APC: variants seen among roughly 807,000 people sequenced by gnomAD.
The protein encoded by APC is adenomatous polyposis coli protein.
Under a neutral mutation model 247.0 loss-of-function variants are expected in APC, and 72 were observed. That is an observed-to-expected ratio of 0.29 (90% CI 0.24 to 0.35). The LOEUF (loss-of-function observed/expected upper bound fraction) is 0.35, where lower values mean the gene tolerates loss of function less well. Ranked by LOEUF, APC falls within the 10% of genes least tolerant of loss-of-function variation. The pLI is 1.00. For missense variants in APC, 3,400 were observed against 3,360.7 expected, an observed-to-expected ratio of 1.01 and a Z score of -0.29; for synonymous variants, 1,254 against 1,162.5, an observed-to-expected ratio of 1.08 and a Z score of -1.60.
intron 1 of APC, among the ~76,000 whole-genome samples, chr5:112,745,519 A>G (rs979759160): frequency 6.6e-6 from 1 of 151,414 alleles, no homozygotes; most frequent in African/African-American, 2.4e-5. Flanking sequence ...GTTTAAGTAA[A>G]GTAAGGAAAT....
At position 112,842,248 on chromosome 5, in the gene APC, A is replaced by G. The variant is rs1057522994; in HGVS notation, c.6654A>G (p.Gln2218=). 1 of 1,613,976 alleles carries G rather than the reference A, an allele frequency of 6.2e-7. No homozygotes were observed. Among genetic ancestry groups the G allele is most frequent in the Non-Finnish European group, 8.5e-7 (1 of 1,179,954 alleles). The change falls in exon 16 of 16, where the codon CAA becomes CAG. Residue 2218 remains glutamine, a synonymous_variant. Coordinates refer to ENST00000257430, the MANE Select transcript of APC (RefSeq NM_000038.6). ...CAGGCCAAATGAAACAGCCCCTTCA[A>G]GCAAACATGCCTTCAATCTCTCGAG... ...EISGQMKQPL[Q]ANMPSISRGR... is the part of the protein sequence containing the mutation.
At chr5:112,774,967 T>G (rs1030900720) in intron 4 of APC, among the ~76,000 whole-genome samples, 1 of 152,210 alleles carries the variant, frequency 6.6e-6, no homozygotes, top group Non-Finnish European at 1.5e-5. Context: ...TGAAAAGAGA[T>G]AAATTATATA....
At chr5:112,708,847 G>A (rs1355544830) in intron 1 of APC, among the ~76,000 whole-genome samples, 2 of 152,186 alleles carry the variant, frequency 1.3e-5, no homozygotes, top group African/African-American at 4.8e-5. Flanking sequence ...GCCAGTCTCA[G>A]TACTCCCTCC....
intron 7 of APC, among the ~76,000 whole-genome samples, chr5:112,800,371 TCA>T (rs1760682097): frequency 6.6e-6 from 1 of 152,202 alleles, no homozygotes; most frequent in Non-Finnish European, 1.5e-5. Flanking sequence ...GAGTGCTACC[TCA>T]CTTTTGCCAG....
chr5:112,777,880 A>G (rs1481102820), intron 5 of APC: 5 of 214,784 alleles, frequency 2.3e-5, no homozygotes, highest in East Asian at 1.3e-4. Flanking sequence ...CTCTTCTTTG[A>G]TTTACTGTCA....
intron 8 of APC, among the ~76,000 whole-genome samples, chr5:112,807,920 C>G (rs990152083): frequency 1.3e-5 from 2 of 151,984 alleles, no homozygotes; most frequent in African/African-American, 4.8e-5. Flanking sequence ...TTCCAGAGGC[C>G]GGGGTGAGCG....
rs1554069530 is a variant in APC, at chr5:112,766,354, T to C, written c.164T>C (p.Ile55Thr). ...KEVLKQLQGS[I>T]EDEAMASSGQ... The stretch of plus-strand genomic sequence containing the variant: ...GTACTTAAACAACTACAAGGAAGTA[T>C]TGAAGATGAAGCTATGGCTTCTTCT... Residue 55 changes from isoleucine to threonine, a missense_variant, in exon 3 of 16, where the codon ATT becomes ACT. Around this residue, in one of 9 missense-constraint regions of APC, gnomAD observed 372 missense variants for 367.6 expected, o/e 1.01. Coordinates refer to ENST00000257430, the MANE Select transcript of APC (RefSeq NM_000038.6). 6.2e-7 allele frequency: 1 copy of C among 1,611,220 alleles called. No individual in the cohort carries two copies. The highest frequency in any genetic ancestry group is 8.5e-7 in the Non-Finnish European group (1 of 1,177,572).
rs760312726 is a variant in APC, at chr5:112,819,191, C to G, written c.1159C>G (p.Leu387Val). 27 of 1,613,866 alleles carry G rather than the reference C, an allele frequency of 1.7e-5. No individual in the cohort carries two copies. The highest frequency in any genetic ancestry group is 8.5e-7 in the Non-Finnish European group (1 of 1,179,974). The change falls in exon 10 of 16, where the codon CTC becomes GTC. Residue 387 changes from leucine to valine, a missense_variant. Transcript: ENST00000257430. ...KEARARASAALHNIIHSQPDD... is the reference protein window; with the variant it reads ...KEARARASAAVHNIIHSQPDD... The stretch of plus-strand genomic sequence containing the variant: ...GGCTCGGGCCAGGGCCAGTGCAGCA[C>G]TCCACAACATCATTCACTCACAGCC...
In APC at chr5:112,745,132, T is replaced by TCAAA. The variant is rs562436462; in HGVS notation, c.-19+7209_-19+7210insAACA. On this transcript the variant is annotated intron_variant, in intron 1 of 15. Coordinates refer to ENST00000257430, the MANE Select transcript of APC (RefSeq NM_000038.6). ...ATATAGGATTTAAATAATATGCTGG[T>TCAAA]CAGTTATAGAACTTTATATACTTTT... Among the ~76,000 whole-genome samples, 792 of 147,476 alleles carry TCAAA rather than the reference T, an allele frequency of 5.4e-3. 8 individuals are homozygous for TCAAA. Among genetic ancestry groups the TCAAA allele is most frequent in the African/African-American group, 0.018 (739 of 40,318 alleles).
At chr5:112,792,601 A>G (rs1243198164) in intron 7 of APC, 72 bp downstream of exon 7, 8 of 1,078,434 alleles carry the variant, frequency 7.4e-6, no homozygotes, top group Non-Finnish European at 9.9e-6. Flanking sequence ...AACATGTATA[A>G]TTTAATGTGA....
At chr5:112,764,078 TAAA>T (rs36096224) in intron 2 of APC, among the ~76,000 whole-genome samples, 48 of 139,622 alleles carry the variant, frequency 3.4e-4, no homozygotes, top group Admixed American at 3.5e-4. Flanking sequence ...TCTACTATAC[TAAA>T]AAAAAAAAAA....
intron 2 of APC, among the ~76,000 whole-genome samples, chr5:112,765,472 T>C (rs1756185444): frequency 6.6e-6 from 1 of 152,138 alleles, no homozygotes; most frequent in Non-Finnish European, 1.5e-5. Flanking sequence ...ACTCACTTTT[T>C]GACAGGTTTT....
intron 6 of APC, among the ~76,000 whole-genome samples, chr5:112,781,492 C>T (rs1226781146): frequency 1.3e-5 from 2 of 152,130 alleles, no homozygotes; most frequent in Non-Finnish European, 2.9e-5. Context: ...CCTGAAGAGG[C>T]CTTGCCAATT....
Position 112,844,797 on chromosome 5 carries a change from G to C in APC, c.*671G>C, listed in dbSNP as rs1003658535. The C allele has an allele frequency of 4.3e-6, 1 of 231,932 alleles. No homozygotes were observed. The highest frequency in any genetic ancestry group is 2.2e-5 in the African/African-American group (1 of 45,280). The allele number at this position is 231,932 out of a possible 1,614,324, so 14.4% of individuals were successfully genotyped here. A position where few individuals can be genotyped will look rare whatever the true frequency, so the allele number is the denominator to read the frequency against. On this transcript the variant is annotated 3_prime_UTR_variant, in exon 16 of 16. Coordinates refer to ENST00000257430, the MANE Select transcript of APC (RefSeq NM_000038.6). The stretch of plus-strand genomic sequence containing the variant: ...AAAATCTGTGTAACTGTAAAACATT[G>C]AATGAAACTATTTTACCTGAACTAG...
At chr5:112,741,398 C>T (rs1251168206) in intron 1 of APC, among the ~76,000 whole-genome samples, 1 of 152,092 alleles carries the variant, frequency 6.6e-6, no homozygotes, top group African/African-American at 2.4e-5. Context: ...CTTGAATGTA[C>T]AATGAGAACA....
intron 1 of APC, among the ~76,000 whole-genome samples, chr5:112,711,415 G>A (rs762006504): frequency 1.3e-4 from 20 of 152,200 alleles, no homozygotes; most frequent in Non-Finnish European, 2.6e-4. Context: ...TGCTGCCTTA[G>A]ATCAGTTGTG....
At position 112,775,707 on chromosome 5, in the gene APC, A is replaced by G; in HGVS notation, c.501A>G (p.Lys167=). The change falls in exon 5 of 16, where the codon AAA becomes AAG. Residue 167 remains lysine (K), a synonymous_variant. Transcript: ENST00000257430. ...ACGCTCAACTTCAGAATCTCACTAA[A>G]AGAATAGATAGTCTTCCTTTAACTG... ...WYYAQLQNLT[K]RIDSLPLTEN... The G allele has an allele frequency of 6.3e-7, 1 of 1,596,702 alleles. No homozygotes were observed.
chr5:112,842,802 A>C lies in APC; in HGVS notation c.7208A>C (p.Gln2403Pro), dbSNP rs876660705. 1.2e-6 allele frequency: 2 copies of C among 1,613,652 alleles called. No homozygotes were observed. The highest frequency in any genetic ancestry group is 1.7e-6 in the Non-Finnish European group (2 of 1,179,582). Residue 2403 changes from glutamine to proline, a missense_variant, in exon 16 of 16, where the codon CAG becomes CCG. Gln to Pro is a moderately conservative substitution (Grantham distance 76, BLOSUM62 -1). Around this residue, in one of 9 missense-constraint regions of APC, gnomAD observed 1,788 missense variants for 1,649.5 expected, o/e 1.08. Transcript: ENST00000257430. ...RSESASKGLN[Q>P]MNNGNGANKK... ...GAGTCTGCCTCCAAAGGACTAAATC[A>C]GATGAATAATGGTAATGGAGCCAAT...
At chr5:112,783,783 A>G (rs888083481) in intron 6 of APC, 85 of 386,846 alleles carry the variant, frequency 2.2e-4, no homozygotes, top group Admixed American at 1.1e-3. Flanking sequence ...AAAAAAAAAA[A>G]AGAGAAAGAA....
Sources: allele counts gnomAD v4.1 joint callset (sites outside exome capture counted in the v4.1 genomes callset), GRCh38; gene constraint gnomAD v4.1.1; regional missense constraint gnomAD v4.1.1; transcripts MANE v1.5; gene names NCBI Gene and HGNC (gene_info 2026-07-23, HGNC 2026-07-21).